The following TRIQK variants were observed in gnomAD, a reference collection of about 807,000 sequenced individuals.
TRIQK encodes the protein triple QxxK/R motif containing.
In TRIQK, 10 loss-of-function variants were observed where a neutral mutation model predicts 10.8. That is an observed-to-expected ratio of 0.92 (90% confidence interval 0.57 to 1.57). The LOEUF (loss-of-function observed/expected upper bound fraction) is 1.57, where lower values mean the gene tolerates loss of function less well. Ranked by LOEUF, TRIQK falls within the 40% of genes most tolerant of loss-of-function variation. TRIQK has a pLI of 0.00. For missense variants in TRIQK, 107 were observed against 97.7 expected (o/e 1.09, Z -0.40); for synonymous variants, 33 against 33.7 (o/e 0.98, Z 0.07).
At chr8:93,007,849 A>G (rs988877228) in intron 1 of TRIQK, among the ~76,000 whole-genome samples, 1 of 152,332 alleles carries the variant, frequency 6.6e-6, no homozygotes. Flanking sequence ...AGAGGAAGCT[A>G]ATCTTGTCTG....
At chr8:92,966,690 C>T (rs73695599), upstream of TRIQK, among the ~76,000 whole-genome samples, 204 of 152,104 alleles carry the variant, frequency 1.3e-3, no homozygotes, top group African/African-American at 4.7e-3. Context: ...ATATTAAATG[C>T]TTTATAAATT....
intron 3 of TRIQK, among the ~76,000 whole-genome samples, chr8:92,902,395 G>A (rs1808989853): frequency 6.6e-6 from 1 of 152,076 alleles, no homozygotes; most frequent in Admixed American, 6.6e-5. Flanking sequence ...CACAATCACT[G>A]CACTCTCCCT....
At position 92,886,706 on chromosome 8, in the gene TRIQK, C is replaced by T. The variant is rs755094967; in HGVS notation, c.177G>A (p.Leu59=). 276 of 1,530,192 alleles carry T rather than the reference C, an allele frequency of 1.8e-4. No homozygotes were observed. Among genetic ancestry groups the T allele is most frequent in the Non-Finnish European group, 2.4e-4 (270 of 1,142,466 alleles). The allele number at this position is 1,530,192 out of a possible 1,614,324, so 94.8% of individuals were successfully genotyped here. ...KEVGLVLAAI[L]ALLLAFYAFF... ...AAGCATAGAAAGCCAGTAGTAGTGCCAATATAGCTGCAAGTACAAGGCCAA... is the reference window on the plus strand; with the variant it reads ...AAGCATAGAAAGCCAGTAGTAGTGCTAATATAGCTGCAAGTACAAGGCCAA... The change falls in exon 5 of 5, where the codon TTG becomes TTA. Residue 59 remains leucine (L), a synonymous_variant. Coordinates refer to ENST00000521988, the MANE Select transcript of TRIQK (RefSeq NM_001171797.2).
chr8:92,980,514 T>G (rs933900305), intron 1 of TRIQK, among the ~76,000 whole-genome samples: 1 of 152,010 alleles, frequency 6.6e-6, no homozygotes. Context: ...ATTGTTTATT[T>G]TGTAAAGAGT....
At chr8:92,917,073 T>C (rs1203225413) in intron 2 of TRIQK, 63 bp from the exon 3 acceptor site, 2 of 975,844 alleles carry the variant, frequency 2.0e-6, no homozygotes, top group Middle Eastern at 2.3e-4. Flanking sequence ...AATCCAGAAA[T>C]AGTTTATTCT....
intron 2 of TRIQK, among the ~76,000 whole-genome samples, chr8:92,934,259 TCA>T (rs1810874365): frequency 6.6e-6 from 1 of 151,968 alleles, no homozygotes; most frequent in Non-Finnish European, 1.5e-5. Flanking sequence ...ACAAAGTCAA[TCA>T]GTTTCCCTTC....
At chr8:93,011,853 G>T (rs903129009) in intron 1 of TRIQK, among the ~76,000 whole-genome samples, 1 of 152,170 alleles carries the variant, frequency 6.6e-6, no homozygotes, top group African/African-American at 2.4e-5. Context: ...CTAATTGGTA[G>T]GGATGGGATT....
chr8:92,988,000 C>CTTTTTTTTTTTTTTTTTTTTTTTTTTTTT (rs549776227), intron 1 of TRIQK, among the ~76,000 whole-genome samples: 1 of 57,580 alleles, frequency 1.7e-5, no homozygotes, highest in Non-Finnish European at 3.0e-5. Flanking sequence ...TTTATACTTT[C>CTTTTTTTTTTTTTTTTTTTTTTTTTTTTT]TTTTTTTTTT....
At chr8:92,958,558 T>A (rs1434996017) in intron 1 of TRIQK, among the ~76,000 whole-genome samples, 2 of 151,996 alleles carry the variant, frequency 1.3e-5, no homozygotes, top group Non-Finnish European at 2.9e-5. Context: ...TTTTGTTTCA[T>A]TTATGGAATA....
At chr8:92,989,987 G>A (rs774615881) in intron 1 of TRIQK, among the ~76,000 whole-genome samples, 3 of 151,704 alleles carry the variant, frequency 2.0e-5, no homozygotes, top group Admixed American at 1.3e-4. Context: ...CTTTAATAAA[G>A]AGTTACTAAT....
At chr8:92,936,948 ATAAGT>A (rs755155675) in intron 2 of TRIQK, among the ~76,000 whole-genome samples, 11 of 151,806 alleles carry the variant, frequency 7.2e-5, no homozygotes, top group Admixed American at 3.3e-4. Flanking sequence ...GATTATTACA[ATAAGT>A]TAAGAAGAGT....
Position 92,889,147 on chromosome 8 carries a change from A to G in TRIQK, c.148-2412T>C, listed in dbSNP as rs117130369. Among the ~76,000 whole-genome samples, 724 of 151,764 alleles carry G rather than the reference A, an allele frequency of 4.8e-3. 4 individuals are homozygous for G. Among genetic ancestry groups the G allele is most frequent in the Non-Finnish European group, 8.2e-3 (553 of 67,730 alleles). On this transcript the variant is annotated intron_variant, in intron 4 of 4. Coordinates refer to ENST00000521988, the MANE Select transcript of TRIQK (RefSeq NM_001171797.2). ...TCAGAACAATGTATTAATATCTTAT[A>G]TGGAAATTGCTAACTGTTCCCTTAA...
At chr8:92,968,110 A>G (rs1241509613), upstream of TRIQK, among the ~76,000 whole-genome samples, 1 of 152,156 alleles carries the variant, frequency 6.6e-6, no homozygotes, top group Non-Finnish European at 1.5e-5. Context: ...GACATATATT[A>G]TTGACTTACA....
At chr8:92,978,352 C>T (rs951875600) in intron 1 of TRIQK, among the ~76,000 whole-genome samples, 1 of 152,142 alleles carries the variant, frequency 6.6e-6, no homozygotes, top group Non-Finnish European at 1.5e-5. Context: ...ACTTGATGCC[C>T]AGTGCCTGAA....
At chr8:92,888,535 GA>G (rs1353806082) in intron 4 of TRIQK, among the ~76,000 whole-genome samples, 1 of 151,582 alleles carries the variant, frequency 6.6e-6, no homozygotes, top group African/African-American at 2.4e-5. Context: ...TCATTGAGGA[GA>G]AAAGCATTGT....
At chr8:92,932,193 C>G (rs1033682569) in intron 2 of TRIQK, among the ~76,000 whole-genome samples, 1 of 152,040 alleles carries the variant, frequency 6.6e-6, no homozygotes, top group Non-Finnish European at 1.5e-5. Flanking sequence ...TTCCCGTGTT[C>G]CCCATAATTC....
At chr8:92,966,774 A>G (rs928174136), upstream of TRIQK, among the ~76,000 whole-genome samples, 1 of 152,164 alleles carries the variant, frequency 6.6e-6, no homozygotes, top group African/African-American at 2.4e-5. Context: ...ACAGGCTAGG[A>G]AAGGCTAGAT....
chr8:92,924,087 A>G (rs1810321729), intron 2 of TRIQK, among the ~76,000 whole-genome samples: 1 of 152,042 alleles, frequency 6.6e-6, no homozygotes, highest in Admixed American at 6.5e-5. Flanking sequence ...ACTTACTAAG[A>G]AAACTCTTCG....
chr8:92,917,056 T>C (rs1809899029), intron 2 of TRIQK, 46 bp from the exon 3 acceptor site: 1 of 1,195,872 alleles, frequency 8.4e-7, no homozygotes, highest in Admixed American at 3.2e-5. Flanking sequence ...AAAAGGAGTG[T>C]CTATAAAATC....
Sources: allele counts gnomAD v4.1 joint callset (sites outside exome capture counted in the v4.1 genomes callset), GRCh38; gene constraint gnomAD v4.1.1; transcripts MANE v1.5; gene names NCBI Gene and HGNC (gene_info 2026-07-23, HGNC 2026-07-21).